CACNG3: variants seen among roughly 807,000 people sequenced by gnomAD.
CACNG3 encodes the protein voltage-dependent calcium channel gamma-3 subunit.
A neutral mutation model predicts 28.5 loss-of-function variants in CACNG3; 3 were observed. The ratio of observed to expected loss-of-function variants is 0.11; its 90% CI spans 0.05 to 0.27. CACNG3 has a LOEUF of 0.27. CACNG3 is among the 10% of genes least tolerant of loss of function. The pLI is 1.00. For missense variants in CACNG3, 236 were observed against 414.4 expected, an observed-to-expected ratio of 0.57 and a Z score of 3.74; for synonymous variants, 174 against 162.2, an observed-to-expected ratio of 1.07 and a Z score of -0.55.
At chr16:24,287,454 G>T (rs578175531) in intron 1 of CACNG3, among the ~76,000 whole-genome samples, 17 of 146,268 alleles carry the variant, frequency 1.2e-4, no homozygotes, top group African/African-American at 4.1e-4. Flanking sequence ...AGAGGCGGAG[G>T]TTGCAGTGAG....
At chr16:24,300,325 A>G (rs906517258) in intron 1 of CACNG3, among the ~76,000 whole-genome samples, 14 of 152,040 alleles carry the variant, frequency 9.2e-5, no homozygotes, top group African/African-American at 3.4e-4. Context: ...TAAGGTGTCT[A>G]CAGAGGCCAG....
chr16:24,262,445 TG>T (rs1017729012), intron 1 of CACNG3, among the ~76,000 whole-genome samples: 1 of 152,226 alleles, frequency 6.6e-6, no homozygotes, highest in Admixed American at 6.5e-5. Context: ...AGCGCCATAC[TG>T]GTTGTTAAAA....
intron 1 of CACNG3, among the ~76,000 whole-genome samples, chr16:24,324,743 C>T (rs1422101543): frequency 6.6e-6 from 1 of 152,152 alleles, no homozygotes; most frequent in Non-Finnish European, 1.5e-5. Flanking sequence ...CTCAGCTTTT[C>T]TCTCCTTCTC....
At chr16:24,326,160 GTTTTTTC>G (rs201941985) in intron 1 of CACNG3, among the ~76,000 whole-genome samples, 2,641 of 136,644 alleles carry the variant, frequency 0.019, 44 homozygotes, top group Non-Finnish European at 0.027. Context: ...TTTCTTTTTT[GTTTTTTC>G]TTTTTTCTTT....
intron 1 of CACNG3, among the ~76,000 whole-genome samples, chr16:24,308,620 C>G (rs1899216778): frequency 6.6e-6 from 1 of 151,668 alleles, no homozygotes. Context: ...TTTGGGAGGC[C>G]AAGGTGAGAG....
At chr16:24,322,816 A>G (rs1402473788) in intron 1 of CACNG3, among the ~76,000 whole-genome samples, 1 of 152,138 alleles carries the variant, frequency 6.6e-6, no homozygotes, top group Admixed American at 6.5e-5. Context: ...CTATTTTGCT[A>G]TCAAGCCACA....
intron 1 of CACNG3, among the ~76,000 whole-genome samples, chr16:24,328,617 A>G (rs909360389): frequency 2.0e-5 from 3 of 151,990 alleles, no homozygotes; most frequent in African/African-American, 7.3e-5. Flanking sequence ...TAAACAAGAT[A>G]TTTCGCATAC....
chr16:24,339,933 C>T (rs928385264), intron 1 of CACNG3, among the ~76,000 whole-genome samples: 1 of 152,128 alleles, frequency 6.6e-6, no homozygotes, highest in Non-Finnish European at 1.5e-5. Flanking sequence ...GGGAGGAATA[C>T]ATTCTAATAT....
At chr16:24,341,892 A>G (rs764377492) in intron 1 of CACNG3, among the ~76,000 whole-genome samples, 3 of 152,234 alleles carry the variant, frequency 2.0e-5, no homozygotes, top group African/African-American at 4.8e-5. Flanking sequence ...TTACTCCCGC[A>G]TGGAAATGTG....
intron 1 of CACNG3, among the ~76,000 whole-genome samples, chr16:24,264,553 C>A (rs969361862): frequency 3.3e-5 from 5 of 152,182 alleles, no homozygotes; most frequent in Non-Finnish European, 5.9e-5. Context: ...GAGCGCCTGG[C>A]AATTGATGTT....
At chr16:24,284,952 A>G (rs899734790) in intron 1 of CACNG3, among the ~76,000 whole-genome samples, 11 of 152,048 alleles carry the variant, frequency 7.2e-5, no homozygotes, top group Non-Finnish European at 1.6e-4. Flanking sequence ...AATTAGCCAA[A>G]CATCTAGTAG....
chr16:24,274,315 C>T (rs1898726885), intron 1 of CACNG3, among the ~76,000 whole-genome samples: 1 of 152,066 alleles, frequency 6.6e-6, no homozygotes, highest in South Asian at 2.1e-4. Context: ...TCTGTTTCCT[C>T]ACCTATAAAA....
intron 1 of CACNG3, among the ~76,000 whole-genome samples, chr16:24,295,017 T>C (rs1465537731): frequency 1.3e-5 from 2 of 152,138 alleles, no homozygotes; most frequent in East Asian, 3.9e-4. Context: ...CTCACATGCA[T>C]GTTGGGGAGG....
intron 1 of CACNG3, among the ~76,000 whole-genome samples, chr16:24,269,662 G>T (rs1898658399): frequency 6.8e-6 from 1 of 146,416 alleles, no homozygotes; most frequent in South Asian, 2.1e-4. Context: ...TGGTAGAATA[G>T]CTTAAACCTG....
At chr16:24,271,640 C>T (rs1371136255) in intron 1 of CACNG3, among the ~76,000 whole-genome samples, 1 of 152,118 alleles carries the variant, frequency 6.6e-6, no homozygotes, top group African/African-American at 2.4e-5. Flanking sequence ...CTTATTGAGC[C>T]GCTACTATGT....
intron 1 of CACNG3, among the ~76,000 whole-genome samples, chr16:24,308,524 T>C (rs1418289929): frequency 6.6e-6 from 1 of 152,192 alleles, no homozygotes; most frequent in African/African-American, 2.4e-5. Flanking sequence ...CTAAATCTTC[T>C]TGTGCAGGCC....
intron 1 of CACNG3, among the ~76,000 whole-genome samples, chr16:24,271,862 C>T (rs879456201): frequency 1.1e-4 from 2 of 17,736 alleles, no homozygotes; most frequent in Non-Finnish European, 2.0e-4. Flanking sequence ...TTTGTGAGTC[C>T]CCCAAGGTGC....
intron 1 of CACNG3, among the ~76,000 whole-genome samples, chr16:24,305,540 A>C (rs1596635639): frequency 6.6e-6 from 1 of 151,928 alleles, no homozygotes; most frequent in African/African-American, 2.4e-5. Flanking sequence ...TCATTATTGG[A>C]AAACTAACAT....
chr16:24,296,645 C>T (rs919316124), intron 1 of CACNG3, among the ~76,000 whole-genome samples: 3 of 152,110 alleles, frequency 2.0e-5, no homozygotes, highest in Admixed American at 2.0e-4. Context: ...AGAATTAACC[C>T]TCTTCATTCT....
Sources: gnomAD v4.1 joint callset for allele counts (sites outside exome capture counted in the v4.1 genomes callset) on GRCh38, gnomAD v4.1.1 for gene constraint, MANE v1.5 for transcripts, NCBI Gene and HGNC (gene_info 2026-07-23, HGNC 2026-07-21) for gene names.